The following AUTS2 variants were observed in gnomAD, a reference collection of about 807,000 sequenced individuals.
AUTS2 encodes autism susceptibility gene 2 protein.
AUTS2 carries 17 observed loss-of-function variants against 112.4 expected under a neutral mutation model. The observed-to-expected ratio is 0.15, with a 90% CI of 0.10 to 0.23. AUTS2 has a LOEUF of 0.23. AUTS2 is among the 10% of genes least tolerant of loss of function. The pLI, the probability that AUTS2 is intolerant of heterozygous loss-of-function variation, is 1.00. For synonymous variants in AUTS2, 751 were observed against 702.7 expected, an observed-to-expected ratio of 1.07 and a Z score of -1.09; for missense variants, 1,510 against 1,701.6, an observed-to-expected ratio of 0.89 and a Z score of 1.98.
At chr7:69,622,218 G>A (rs1793704308) in intron 1 of AUTS2, among the ~76,000 whole-genome samples, 1 of 152,068 alleles carries the variant, frequency 6.6e-6, no homozygotes. Flanking sequence ...TTTCCAGCAG[G>A]CTTCCCGATT....
At position 70,576,310 on chromosome 7, in the gene AUTS2, C is replaced by T. The variant is rs114072755; in HGVS notation, c.691-122259C>T. Among the ~76,000 whole-genome samples the T allele has an allele frequency of 2.8e-3, 430 of 152,206 alleles. 4 individuals carry two copies. The highest frequency in any genetic ancestry group is 9.8e-3 in the African/African-American group (408 of 41,528). On this transcript the variant is annotated intron_variant, in intron 5 of 18. Coordinates refer to ENST00000342771, the MANE Select transcript of AUTS2 (RefSeq NM_015570.4). ...AGGAAAGGGGTCAAAGAGAGGGATC[C>T]GAGTGGTCCAGAGCAACTGCTGCCC...
At chr7:70,132,316 G>A (rs1376580672) in intron 3 of AUTS2, among the ~76,000 whole-genome samples, 1 of 152,010 alleles carries the variant, frequency 6.6e-6, no homozygotes. Flanking sequence ...GTTCCCTCGT[G>A]TGTCTGTGTT....
chr7:70,625,010 C>A (rs1467745761), intron 5 of AUTS2, among the ~76,000 whole-genome samples: 1 of 152,078 alleles, frequency 6.6e-6, no homozygotes. Context: ...CAGCCAGCAG[C>A]CTGGCTCATC....
At chr7:70,031,298 T>C (rs578030218) in intron 2 of AUTS2, among the ~76,000 whole-genome samples, 1 of 152,196 alleles carries the variant, frequency 6.6e-6, no homozygotes, top group Non-Finnish European at 1.5e-5. Flanking sequence ...CAGCCTCTAA[T>C]AATCTATGGA....
At chr7:69,856,724 A>C (rs1373271336) in intron 1 of AUTS2, among the ~76,000 whole-genome samples, 1 of 152,186 alleles carries the variant, frequency 6.6e-6, no homozygotes, top group African/African-American at 2.4e-5. Context: ...AATGTGTGTG[A>C]GAGAGTTTTC....
At chr7:70,342,823 C>G (rs941741319) in intron 4 of AUTS2, among the ~76,000 whole-genome samples, 1 of 152,132 alleles carries the variant, frequency 6.6e-6, no homozygotes, top group Non-Finnish European at 1.5e-5. Flanking sequence ...CAGACTTTTT[C>G]CAGTGCTGTC....
chr7:70,679,472 C>T (rs974750944), intron 5 of AUTS2, among the ~76,000 whole-genome samples: 2 of 152,080 alleles, frequency 1.3e-5, no homozygotes, highest in African/African-American at 2.4e-5. Flanking sequence ...TTTCCATTAC[C>T]AAATTCTGGG....
At chr7:70,302,416 T>C (rs2129613722) in intron 4 of AUTS2, among the ~76,000 whole-genome samples, 1 of 151,598 alleles carries the variant, frequency 6.6e-6, no homozygotes, top group South Asian at 2.1e-4. Context: ...AAAAAAACAA[T>C]GTAGTGAGTC....
intron 5 of AUTS2, among the ~76,000 whole-genome samples, chr7:70,618,512 C>A (rs149770445): frequency 6.6e-6 from 1 of 152,210 alleles, no homozygotes; most frequent in Non-Finnish European, 1.5e-5. Flanking sequence ...CATTTCCCCC[C>A]ATATTGTATA....
chr7:70,472,369 G>GT lies in AUTS2; in HGVS notation c.690+36601dup, dbSNP rs55672214. On this transcript the variant is annotated intron_variant, in intron 5 of 18. Transcript: ENST00000342771. The stretch of plus-strand genomic sequence containing the variant: ...TTTGGGGCTTCTGTTTTGGGGTGGG[G>GT]TTTTTTTTTTTTTCCCAGTACCGTA... 3.6e-3 allele frequency among the ~76,000 whole-genome samples: 524 copies of GT among 144,222 alleles called. 6 individuals are homozygous for GT. Among genetic ancestry groups the GT allele is most frequent in the African/African-American group, 7.5e-3 (297 of 39,554 alleles). 94.6% of individuals were successfully genotyped at this position (144,222 alleles called of 152,430 possible).
intron 1 of AUTS2, among the ~76,000 whole-genome samples, chr7:69,753,004 G>A (rs1484651116): frequency 6.6e-6 from 1 of 152,178 alleles, no homozygotes; most frequent in Non-Finnish European, 1.5e-5. Context: ...GTACTGTCTA[G>A]AATGAAGCAT....
intron 5 of AUTS2, among the ~76,000 whole-genome samples, chr7:70,443,748 T>A (rs1796208707): frequency 6.6e-6 from 1 of 152,222 alleles, no homozygotes; most frequent in African/African-American, 2.4e-5. Context: ...TGTCTACTGA[T>A]GAACTGACAT....
intron 4 of AUTS2, among the ~76,000 whole-genome samples, chr7:70,255,618 C>T (rs1202993348): frequency 6.6e-6 from 1 of 152,002 alleles, no homozygotes; most frequent in African/African-American, 2.4e-5. Flanking sequence ...TTTCCAGAGA[C>T]GGTTTCATAG....
chr7:70,731,402 T>C (rs1787377008), intron 6 of AUTS2, among the ~76,000 whole-genome samples: 1 of 144,442 alleles, frequency 6.9e-6, no homozygotes, highest in African/African-American at 2.5e-5. Flanking sequence ...AAAGCTCATA[T>C]ATCCCCTTTA....
chr7:70,103,257 G>A (rs890322755), intron 2 of AUTS2, among the ~76,000 whole-genome samples: 14 of 152,142 alleles, frequency 9.2e-5, no homozygotes, highest in African/African-American at 3.1e-4. Flanking sequence ...GAATAAAAAG[G>A]CCTGAATGTG....
At chr7:70,648,130 G>C (rs918927030) in intron 5 of AUTS2, among the ~76,000 whole-genome samples, 1 of 152,194 alleles carries the variant, frequency 6.6e-6, no homozygotes, top group Non-Finnish European at 1.5e-5. Context: ...GGGTTCTGGT[G>C]AGGGTTCCAT....
intron 4 of AUTS2, among the ~76,000 whole-genome samples, chr7:70,414,618 G>C (rs1794915334): frequency 6.6e-6 from 1 of 152,180 alleles, no homozygotes; most frequent in Non-Finnish European, 1.5e-5. Context: ...TCTCAGAGGT[G>C]AGAAAGAGGA....
At chr7:70,451,592 T>A (rs960419942) in intron 5 of AUTS2, among the ~76,000 whole-genome samples, 25 of 152,284 alleles carry the variant, frequency 1.6e-4, no homozygotes, top group East Asian at 1.2e-3. Flanking sequence ...TTATGCCACA[T>A]GTGTTAAAGT....
At chr7:70,332,713 A>T (rs1389125722) in intron 4 of AUTS2, among the ~76,000 whole-genome samples, 1 of 152,194 alleles carries the variant, frequency 6.6e-6, no homozygotes, top group African/African-American at 2.4e-5. Context: ...GCAATGAGAG[A>T]AAAGATTCCC....
Sources: gnomAD v4.1 joint callset for allele counts (sites outside exome capture counted in the v4.1 genomes callset) on GRCh38, gnomAD v4.1.1 for gene constraint, MANE v1.5 for transcripts, NCBI Gene and HGNC (gene_info 2026-07-23, HGNC 2026-07-21) for gene names.